The following WRAP73 variants were observed in gnomAD, a reference collection of about 807,000 sequenced individuals.
The protein encoded by WRAP73 is WD repeat containing, antisense to TP73.
In WRAP73, 55 loss-of-function variants were observed where a neutral mutation model predicts 59.6. The observed-to-expected ratio is 0.92, with a 90% CI of 0.74 to 1.15. The LOEUF (loss-of-function observed/expected upper bound fraction) is 1.15. Among genes scored for constraint, WRAP73 ranks in the 50% most tolerant of loss-of-function variants. The probability of loss-of-function intolerance (pLI) is 0.00; values close to 1 mark genes in which losing one functional copy is unlikely to be tolerated. For synonymous variants in WRAP73, 265 were observed against 258.2 expected (o/e 1.03, Z -0.25); for missense variants, 592 against 608.1 (o/e 0.97, Z 0.28).
chr1:3,640,696 C>T (rs190377925), intron 3 of WRAP73, among the ~76,000 whole-genome samples: 6 of 150,548 alleles, frequency 4.0e-5, no homozygotes, highest in Admixed American at 4.0e-4. Flanking sequence ...ATCAGCAGGG[C>T]AGGGTGCAGC....
chr1:3,633,666 G>A lies in WRAP73; in HGVS notation c.817-163C>T, dbSNP rs967347553. The A allele has an allele frequency of 1.0e-4, 60 of 593,224 alleles. No individual in the cohort carries two copies. In the East Asian group the frequency reaches 1.6e-3, roughly 16 times the overall value. 36.7% of individuals were successfully genotyped at this position (593,224 alleles called of 1,614,324 possible). On this transcript the variant is annotated intron_variant, in intron 8 of 11. Coordinates refer to ENST00000270708, the MANE Select transcript of WRAP73 (RefSeq NM_017818.4). ...ACGGAAGCACGAACCCCGCAGTCCC[G>A]AGAGCTGAGATCACCCAGCCACCCT...
At chr1:3,645,620 G>C (rs1394388961) in intron 3 of WRAP73, among the ~76,000 whole-genome samples, 3 of 152,200 alleles carry the variant, frequency 2.0e-5, no homozygotes, top group African/African-American at 7.2e-5. Flanking sequence ...CAAACACTGG[G>C]ATCCAACTCC....
intron 3 of WRAP73, among the ~76,000 whole-genome samples, chr1:3,642,195 C>G (rs1270384193): frequency 6.6e-6 from 1 of 152,156 alleles, no homozygotes; most frequent in Non-Finnish European, 1.5e-5. Flanking sequence ...CGAGACCAGC[C>G]TGGGAAACAA....
At chr1:3,637,194 A>G in intron 4 of WRAP73, 96 bp from the exon 5 acceptor site, 2 of 1,070,650 alleles carry the variant, frequency 1.9e-6, no homozygotes, top group Non-Finnish European at 2.8e-6. Flanking sequence ...AGGAAAAGAA[A>G]GCAGAGGTGA....
chr1:3,648,108 G>A (rs1644708075), intron 1 of WRAP73, among the ~76,000 whole-genome samples: 1 of 152,222 alleles, frequency 6.6e-6, no homozygotes, highest in Admixed American at 6.5e-5. Flanking sequence ...ACATAAAGAT[G>A]CTTCGCAAAT....
Sources: gnomAD v4.1 joint callset for allele counts (sites outside exome capture counted in the v4.1 genomes callset) on GRCh38, gnomAD v4.1.1 for gene constraint, MANE v1.5 for transcripts, NCBI Gene and HGNC (gene_info 2026-07-23, HGNC 2026-07-21) for gene names.